SLIT2: variants seen among roughly 807,000 people sequenced by gnomAD.
SLIT2 encodes the protein slit homolog 2 protein.
SLIT2 carries 41 observed loss-of-function variants against 185.7 expected under a neutral mutation model. That is an observed-to-expected ratio of 0.22 (90% CI 0.17 to 0.29). SLIT2 has a LOEUF of 0.29. Ranked by LOEUF, SLIT2 falls within the 10% of genes least tolerant of loss-of-function variation. SLIT2 has a pLI of 1.00. For missense variants in SLIT2, 1,571 were observed against 1,909.0 expected (o/e 0.82, Z 3.30); for synonymous variants, 693 against 680.2 (o/e 1.02, Z -0.29).
At chr4:20,471,506 A>T (rs1418519259) in intron 5 of SLIT2, among the ~76,000 whole-genome samples, 1 of 152,146 alleles carries the variant, frequency 6.6e-6, no homozygotes, top group Non-Finnish European at 1.5e-5. Flanking sequence ...ACCCTGCATG[A>T]TGCCATTGTG....
At chr4:20,325,222 A>C (rs77408343) in intron 4 of SLIT2, among the ~76,000 whole-genome samples, 1 of 151,980 alleles carries the variant, frequency 6.6e-6, no homozygotes, top group Admixed American at 6.6e-5. Context: ...ACTGCTCTCA[A>C]GTTGATCTTA....
chr4:20,515,016 TG>T (rs938724160), intron 11 of SLIT2, among the ~76,000 whole-genome samples: 67 of 152,328 alleles, frequency 4.4e-4, no homozygotes, highest in African/African-American at 1.6e-3. Context: ...TATTGTTTTC[TG>T]CTTATTACTT....
At chr4:20,590,434 C>T (rs1411243408) in intron 30 of SLIT2, among the ~76,000 whole-genome samples, 2 of 152,058 alleles carry the variant, frequency 1.3e-5, no homozygotes, top group East Asian at 1.9e-4. Context: ...GAAGATGTTA[C>T]GGTCTGAAAC....
At chr4:20,604,626 C>T (rs574083007) in intron 33 of SLIT2, among the ~76,000 whole-genome samples, 1 of 152,112 alleles carries the variant, frequency 6.6e-6, no homozygotes. Context: ...GGATTACAGG[C>T]GTGAGCCACT....
At chr4:20,435,972 T>C (rs1021287938) in intron 4 of SLIT2, among the ~76,000 whole-genome samples, 2 of 152,204 alleles carry the variant, frequency 1.3e-5, no homozygotes, top group African/African-American at 4.8e-5. Flanking sequence ...AGTTTTTGAA[T>C]GAGTGAGTGA....
intron 21 of SLIT2, among the ~76,000 whole-genome samples, chr4:20,542,855 TGTGTGTGC>T (rs58336524): frequency 0.2 from 19,623 of 96,984 alleles, 2,006 homozygotes; most frequent in African/African-American, 0.36. Context: ...TGTGTGTGTG[TGTGTGTGC>T]GCTATAAGAT....
chr4:20,432,014 T>TGTGC lies in SLIT2; in HGVS notation c.396-35737_396-35736insTGCG, dbSNP rs375394658. Reference sequence around the variant, plus strand: ...ATCTCTCACTCTCTGTGTGTGTGTGTGCTTGTGTGTGTGAGAGAGAGAGAG... The same window carrying TGTGC: ...ATCTCTCACTCTCTGTGTGTGTGTGTGTGCGCTTGTGTGTGTGAGAGAGAGAGAG... On this transcript the variant is annotated intron_variant, in intron 4 of 36. Coordinates refer to ENST00000504154, the MANE Select transcript of SLIT2 (RefSeq NM_004787.4). Among the ~76,000 whole-genome samples the TGTGC allele has an allele frequency of 5.2e-3, 789 of 150,872 alleles. 13 individuals are homozygous for TGTGC. The highest frequency in any genetic ancestry group is 0.019 in the African/African-American group (760 of 41,044).
chr4:20,570,731 G>GTGTA lies in SLIT2; in HGVS notation c.3088+1728_3088+1729insGTAT, dbSNP rs1725511595. ...ACCAGGAATATATATATATATATAT[G>GTGTA]TATATATATATATATATATATATAT... is the stretch of plus-strand genomic sequence containing the variant. On this transcript the variant is annotated intron_variant, in intron 29 of 36. Transcript: ENST00000504154. Among the ~76,000 whole-genome samples, 7 of 125,568 alleles carry GTGTA rather than the reference G, an allele frequency of 5.6e-5. No individual in the cohort carries two copies. The South Asian group carries it at 1.9e-3, about 34-fold the overall frequency. The allele number at this position is 125,568 out of a possible 152,430, so 82.4% of individuals were successfully genotyped here.
At chr4:20,316,547 C>A (rs1718607125) in intron 4 of SLIT2, among the ~76,000 whole-genome samples, 1 of 151,816 alleles carries the variant, frequency 6.6e-6, no homozygotes, top group South Asian at 2.1e-4. Context: ...ACTAAAAACA[C>A]TTCCATTCTT....
At chr4:20,454,780 A>G (rs1483936960) in intron 4 of SLIT2, among the ~76,000 whole-genome samples, 1 of 152,214 alleles carries the variant, frequency 6.6e-6, no homozygotes, top group African/African-American at 2.4e-5. Flanking sequence ...TTAAAATTAT[A>G]TCATTGCACT....
chr4:20,384,173 G>T (rs1234538166), intron 4 of SLIT2, among the ~76,000 whole-genome samples: 2 of 151,820 alleles, frequency 1.3e-5, no homozygotes, highest in Non-Finnish European at 2.9e-5. Context: ...GTAAGCAAAT[G>T]TGATATGTAT....
intron 34 of SLIT2, among the ~76,000 whole-genome samples, chr4:20,610,885 G>A (rs1729158433): frequency 6.6e-6 from 1 of 152,186 alleles, no homozygotes. Context: ...AGGCAGATGA[G>A]TGAATAAATG....
chr4:20,549,813 TAG>T (rs1169566477), intron 24 of SLIT2, among the ~76,000 whole-genome samples: 1 of 151,936 alleles, frequency 6.6e-6, no homozygotes, highest in Non-Finnish European at 1.5e-5. Context: ...GTTTAACTGG[TAG>T]AGACTGTTGT....
intron 4 of SLIT2, among the ~76,000 whole-genome samples, chr4:20,368,581 C>T (rs1016490282): frequency 6.6e-6 from 1 of 152,040 alleles, no homozygotes; most frequent in Non-Finnish European, 1.5e-5. Flanking sequence ...GTAAAAATTA[C>T]ATAAACTCAA....
intron 34 of SLIT2, among the ~76,000 whole-genome samples, chr4:20,610,973 T>G (rs191962873): frequency 8.2e-4 from 125 of 152,300 alleles, no homozygotes; most frequent in Middle Eastern, 3.4e-3. Flanking sequence ...CAATCTTGCC[T>G]CTATTTGGAG....
At chr4:20,551,333 C>T (rs1458982449) in intron 25 of SLIT2, among the ~76,000 whole-genome samples, 4 of 152,152 alleles carry the variant, frequency 2.6e-5, no homozygotes, top group Non-Finnish European at 5.9e-5. Flanking sequence ...AACTGTGGCA[C>T]CACACAAAAA....
In SLIT2 at chr4:20,331,094, A is replaced by C. The variant is rs1720028416; in HGVS notation, c.395+62213A>C. Among the ~76,000 whole-genome samples, 4 of 152,188 alleles carry C rather than the reference A, an allele frequency of 2.6e-5. No homozygotes were observed. In the South Asian group the frequency reaches 8.3e-4, roughly 31 times the overall value. On this transcript the variant is annotated intron_variant, in intron 4 of 36. Coordinates refer to ENST00000504154, the MANE Select transcript of SLIT2 (RefSeq NM_004787.4). ...TGACTGTGTTGTAAAGTGATTCTGC[A>C]AATTTGCCAAAAGCATTAGAGGAAA...
Position 20,252,759 on chromosome 4 carries a change from C to T in SLIT2, c.-1057C>T, listed in dbSNP as rs931715178. Among the ~76,000 whole-genome samples the T allele has an allele frequency of 6.6e-6, 1 of 152,192 alleles. No individual in the cohort carries two copies. Among genetic ancestry groups the T allele is most frequent in the South Asian group, 2.1e-4 (1 of 4,828 alleles). ...CTCTGCCTGGAGTAGTGGATCCCAC[C>T]CGCCCACCTGCCACCGAGCCATTCT... On this transcript the variant is annotated 5_prime_UTR_variant, in exon 1 of 37. Transcript: ENST00000504154.
At chr4:20,265,726 C>G (rs1326421162) in intron 3 of SLIT2, among the ~76,000 whole-genome samples, 1 of 151,628 alleles carries the variant, frequency 6.6e-6, no homozygotes, top group African/African-American at 2.4e-5. Flanking sequence ...GAACGTAGAG[C>G]TAGCTTTTTT....
Sources: gnomAD v4.1 joint callset for allele counts (sites outside exome capture counted in the v4.1 genomes callset) on GRCh38, gnomAD v4.1.1 for gene constraint, MANE v1.5 for transcripts, NCBI Gene and HGNC (gene_info 2026-07-23, HGNC 2026-07-21) for gene names.